The following CERS3 variants were observed in gnomAD, a reference collection of about 807,000 sequenced individuals.
The protein encoded by CERS3 is ceramide synthase 3.
Under a neutral mutation model 50.3 loss-of-function variants are expected in CERS3, and 33 were observed. The observed-to-expected ratio is 0.66, with a 90% CI of 0.50 to 0.88. The LOEUF is 0.88. Ranked by LOEUF, CERS3 falls within the 40% of genes least tolerant of loss-of-function variation. The pLI is 0.00. For missense variants in CERS3, 470 were observed against 460.3 expected, an observed-to-expected ratio of 1.02 and a Z score of -0.19; for synonymous variants, 176 against 155.2, an observed-to-expected ratio of 1.13 and a Z score of -0.99.
intron 3 of CERS3, among the ~76,000 whole-genome samples, chr15:100,498,239 T>C (rs568813003): frequency 4.6e-5 from 7 of 152,274 alleles, no homozygotes; most frequent in African/African-American, 1.7e-4. Context: ...ATAAATGTAG[T>C]TGTCTAATTG....
intron 11 of CERS3, among the ~76,000 whole-genome samples, chr15:100,439,371 C>A (rs2033575809): frequency 6.6e-6 from 1 of 152,116 alleles, no homozygotes; most frequent in South Asian, 2.1e-4. Context: ...TAACTTGCTA[C>A]CCAAAACAGG....
At position 100,469,365 on chromosome 15, in the gene CERS3, C is replaced by T. The variant is rs1199643607; in HGVS notation, c.845+13G>A. On this transcript the variant is annotated intron_variant, in intron 10 of 11. Transcript: ENST00000679737. ...CACTGACCAAAGGCAGGGCACATCA[C>T]CGGTCTACTCACCAGAAAGGAAAAA... is the stretch of plus-strand genomic sequence containing the variant. 6.2e-7 allele frequency: 1 copy of T among 1,604,700 alleles called. No homozygotes were observed.
At chr15:100,507,645 G>A (rs1216127009) in intron 2 of CERS3, among the ~76,000 whole-genome samples, 1 of 152,238 alleles carries the variant, frequency 6.6e-6, no homozygotes, top group African/African-American at 2.4e-5. Context: ...ATAGTAGTCA[G>A]TGAAAATTGC....
chr15:100,496,249 T>A (rs947556309), intron 3 of CERS3, among the ~76,000 whole-genome samples: 6 of 152,224 alleles, frequency 3.9e-5, no homozygotes, highest in Non-Finnish European at 7.3e-5. Flanking sequence ...CATAGTAACT[T>A]CATTCATAAC....
intron 2 of CERS3, among the ~76,000 whole-genome samples, chr15:100,521,193 C>T (rs2036629142): frequency 6.6e-6 from 1 of 152,192 alleles, no homozygotes; most frequent in South Asian, 2.1e-4. Flanking sequence ...TATTTGCGAA[C>T]ATGCTTCATG....
chr15:100,535,107 T>C (rs1410068243), intron 1 of CERS3, among the ~76,000 whole-genome samples: 1 of 152,262 alleles, frequency 6.6e-6, no homozygotes, highest in Non-Finnish European at 1.5e-5. Context: ...GGCTGTGTCA[T>C]GCAAGTGTGT....
chr15:100,467,634 T>C (rs954642881), intron 10 of CERS3, among the ~76,000 whole-genome samples: 3 of 151,782 alleles, frequency 2.0e-5, no homozygotes, highest in African/African-American at 4.8e-5. Flanking sequence ...CTTTGGGACA[T>C]GGCGAACTGA....
chr15:100,477,804 A>C (rs1300784772), intron 7 of CERS3, among the ~76,000 whole-genome samples: 1 of 152,200 alleles, frequency 6.6e-6, no homozygotes, highest in Non-Finnish European at 1.5e-5. Context: ...AAGCACTGTA[A>C]TATTTTATTT....
In CERS3 at chr15:100,423,613, G is replaced by C. The variant is rs543913446; in HGVS notation, c.1000-20748C>G. 2.6e-5 allele frequency among the ~76,000 whole-genome samples: 4 copies of C among 152,274 alleles called. No individual in the cohort carries two copies. In the South Asian group the frequency reaches 8.3e-4, roughly 32 times the overall value. On this transcript the variant is annotated intron_variant, in intron 11 of 11. Coordinates refer to ENST00000679737, the MANE Select transcript of CERS3 (RefSeq NM_001378789.1). ...AGGTCCTACTTGAGGGCGGAGGGTAGGGGAAAGGTGAGGATCAAAAAACTA... is the reference window on the plus strand; with the variant it reads ...AGGTCCTACTTGAGGGCGGAGGGTACGGGAAAGGTGAGGATCAAAAAACTA...
chr15:100,444,415 A>C (rs923244673), intron 11 of CERS3, among the ~76,000 whole-genome samples: 1 of 151,822 alleles, frequency 6.6e-6, no homozygotes, highest in Non-Finnish European at 1.5e-5. Context: ...TCTCTGATCC[A>C]CCTGACGTTC....
chr15:100,430,811 G>GA (rs1237342774), intron 11 of CERS3, among the ~76,000 whole-genome samples: 1 of 152,098 alleles, frequency 6.6e-6, no homozygotes, highest in Non-Finnish European at 1.5e-5. Context: ...CAAGGTCACA[G>GA]AAAAAAACAA....
At chr15:100,542,805 A>G (rs1237308348) in intron 1 of CERS3, among the ~76,000 whole-genome samples, 1 of 146,424 alleles carries the variant, frequency 6.8e-6, no homozygotes, top group Non-Finnish European at 1.5e-5. Context: ...ATGAACATAT[A>G]CATATATATA....
At chr15:100,474,886 T>C (rs2035078722) in intron 8 of CERS3, among the ~76,000 whole-genome samples, 1 of 152,228 alleles carries the variant, frequency 6.6e-6, no homozygotes, top group Non-Finnish European at 1.5e-5. Context: ...CTCCAGGGCC[T>C]GTGCTTTAGC....
At chr15:100,424,216 C>T (rs2032662866) in intron 11 of CERS3, among the ~76,000 whole-genome samples, 1 of 152,174 alleles carries the variant, frequency 6.6e-6, no homozygotes, top group Non-Finnish European at 1.5e-5. Context: ...GCTGGGATTA[C>T]AGGTGTGAGC....
intron 2 of CERS3, among the ~76,000 whole-genome samples, chr15:100,521,189 C>T (rs555182354): frequency 7.9e-5 from 12 of 152,172 alleles, no homozygotes; most frequent in African/African-American, 2.4e-4. Context: ...TCAATATTTG[C>T]GAACATGCTT....
intron 1 of CERS3, among the ~76,000 whole-genome samples, chr15:100,535,305 C>G (rs1239401602): frequency 6.6e-6 from 1 of 152,230 alleles, no homozygotes; most frequent in African/African-American, 2.4e-5. Flanking sequence ...TTCCAAGTTG[C>G]AGGCATTACT....
chr15:100,519,416 A>G (rs2036581682), intron 2 of CERS3, among the ~76,000 whole-genome samples: 1 of 111,496 alleles, frequency 9.0e-6, no homozygotes, highest in African/African-American at 3.2e-5. Flanking sequence ...AGGTTGCTCT[A>G]AAGGAAAGAA....
At chr15:100,498,119 C>A (rs1441638565) in intron 3 of CERS3, among the ~76,000 whole-genome samples, 1 of 152,058 alleles carries the variant, frequency 6.6e-6, no homozygotes, top group Non-Finnish European at 1.5e-5. Context: ...TGGTCTCGAT[C>A]GCCTGATCTC....
intron 1 of CERS3, among the ~76,000 whole-genome samples, chr15:100,525,091 T>C (rs755413138): frequency 4.6e-5 from 7 of 152,238 alleles, no homozygotes; most frequent in Non-Finnish European, 7.3e-5. Context: ...ATGAGAAATG[T>C]ATGCATCTTT....
Sources: allele counts gnomAD v4.1 joint callset (sites outside exome capture counted in the v4.1 genomes callset), GRCh38; gene constraint gnomAD v4.1.1; transcripts MANE v1.5; gene names NCBI Gene and HGNC (gene_info 2026-07-23, HGNC 2026-07-21).